Variants in CACNA2D1 observed in about 807,000 individuals in gnomAD.
CACNA2D1 encodes the protein calcium voltage-gated channel auxiliary subunit alpha2delta 1, also known as voltage-dependent calcium channel subunit alpha-2/delta-1.
CACNA2D1 carries 53 observed loss-of-function variants against 171.5 expected under a neutral mutation model. The observed-to-expected ratio is 0.31, with a 90% CI of 0.25 to 0.39. CACNA2D1 has a LOEUF of 0.39. CACNA2D1 is among the 10% of genes least tolerant of loss of function. The probability of loss-of-function intolerance (pLI) is 1.00; values close to 1 mark genes in which losing one functional copy is unlikely to be tolerated. For missense variants in CACNA2D1, 903 were observed against 1,299.8 expected, an observed-to-expected ratio of 0.69 and a Z score of 4.69; for synonymous variants, 442 against 443.1, an observed-to-expected ratio of 1.00 and a Z score of 0.03.
At chr7:82,389,091 G>A (rs868020232) in intron 1 of CACNA2D1, among the ~76,000 whole-genome samples, 1 of 150,146 alleles carries the variant, frequency 6.7e-6, no homozygotes, top group Non-Finnish European at 1.5e-5. Flanking sequence ...ACTCCAGCCT[G>A]GGCAACAGAG....
chr7:82,443,892 T>C, upstream of CACNA2D1: 1 of 308,082 alleles, frequency 3.2e-6, no homozygotes, highest in Non-Finnish European at 5.8e-6. Context: ...GCTGCAGGAA[T>C]CGGGGAATGG....
intron 12 of CACNA2D1, chr7:82,029,268 T>C (rs1378974168): frequency 6.6e-6 from 1 of 151,802 alleles, no homozygotes; most frequent in Non-Finnish European, 1.5e-5. Flanking sequence ...GAATAGAGTA[T>C]TCTTTAATTA....
At chr7:81,954,947 T>C (rs1410954376) in intron 38 of CACNA2D1, among the ~76,000 whole-genome samples, 2 of 146,024 alleles carry the variant, frequency 1.4e-5, no homozygotes, top group African/African-American at 4.9e-5. Flanking sequence ...GTGAGATAGG[T>C]AGGTAGTAGT....
In CACNA2D1 at chr7:82,137,707, T is replaced by TAA. The variant is rs1174278503; in HGVS notation, c.355-1033_355-1032dup. On this transcript the variant is annotated intron_variant, in intron 4 of 38. Coordinates refer to ENST00000356860, the MANE Select transcript of CACNA2D1 (RefSeq NM_000722.4). ...TAATACAGTGAAACTCCGTCTCTAC[T>TAA]AAAAAAAAAAAAAAAAAAAAAAATT... Among the ~76,000 whole-genome samples the TAA allele has an allele frequency of 8.4e-3, 659 of 78,788 alleles. 44 individuals carry two copies. Among genetic ancestry groups the TAA allele is most frequent in the East Asian group, 0.036 (90 of 2,474 alleles). 51.7% of individuals were successfully genotyped at this position (78,788 alleles called of 152,430 possible). A position where few individuals can be genotyped will look rare whatever the true frequency, so the allele number is the denominator to read the frequency against.
intron 10 of CACNA2D1, among the ~76,000 whole-genome samples, chr7:82,043,284 T>C (rs1041798529): frequency 2.0e-5 from 3 of 152,158 alleles, no homozygotes; most frequent in Non-Finnish European, 2.9e-5. Context: ...AATAAAGATA[T>C]ACAGAACATC....
intron 12 of CACNA2D1, among the ~76,000 whole-genome samples, chr7:82,026,251 T>C (rs766627643): frequency 1.3e-4 from 20 of 151,586 alleles, no homozygotes; most frequent in Non-Finnish European, 2.1e-4. Flanking sequence ...TCTGTGTCTT[T>C]TGACTGGGGA....
intron 10 of CACNA2D1, among the ~76,000 whole-genome samples, chr7:82,053,400 T>C (rs571027388): frequency 6.1e-5 from 9 of 148,582 alleles, no homozygotes; most frequent in African/African-American, 2.3e-4. Context: ...CTCAATGTAA[T>C]CACTTAAAAT....
chr7:81,951,970 T>TTTTTTTTTTTTTTTTTTTTTG (rs1792598285), intron 38 of CACNA2D1, among the ~76,000 whole-genome samples: 1 of 23,948 alleles, frequency 4.2e-5, no homozygotes, highest in Non-Finnish European at 7.7e-5. Flanking sequence ...GTACAAAGTG[T>TTTTTTTTTTTTTTTTTTTTTG]TTTTTTTTTT....
At chr7:82,319,112 A>C (rs1335949130) in intron 3 of CACNA2D1, among the ~76,000 whole-genome samples, 2 of 152,222 alleles carry the variant, frequency 1.3e-5, no homozygotes, top group Admixed American at 1.3e-4. Flanking sequence ...TGTTGAAAGG[A>C]TTAAATGAGT....
At chr7:82,060,157 A>G (rs1241752203) in intron 10 of CACNA2D1, among the ~76,000 whole-genome samples, 2 of 35,130 alleles carry the variant, frequency 5.7e-5, no homozygotes, top group Non-Finnish European at 5.4e-5. Flanking sequence ...TATGTATTAT[A>G]TATATATAAT....
At chr7:82,010,001 C>T (rs1406497725) in intron 15 of CACNA2D1, among the ~76,000 whole-genome samples, 1 of 151,970 alleles carries the variant, frequency 6.6e-6, no homozygotes, top group Non-Finnish European at 1.5e-5. Context: ...TTTTGATATA[C>T]TCAGTGCTTC....
chr7:82,083,776 T>A (rs534558436), intron 7 of CACNA2D1, among the ~76,000 whole-genome samples: 3 of 152,168 alleles, frequency 2.0e-5, no homozygotes, highest in Non-Finnish European at 4.4e-5. Context: ...ATTCAGTCCA[T>A]TGATACCCAG....
chr7:82,224,590 A>C (rs1585148051), intron 3 of CACNA2D1, among the ~76,000 whole-genome samples: 1 of 152,244 alleles, frequency 6.6e-6, no homozygotes. Flanking sequence ...TCGAAAAAAA[A>C]AGAAAAAAGA....
Position 82,111,428 on chromosome 7 carries a change from G to GTGTATATATATATATATA in CACNA2D1, c.526+5615_526+5616insTATATATATATATATACA, listed in dbSNP as rs1413914216. On this transcript the variant is annotated intron_variant, in intron 6 of 38. Coordinates refer to ENST00000356860, the MANE Select transcript of CACNA2D1 (RefSeq NM_000722.4). ...TATTCATATATGTGTATATATGTGT[G>GTGTATATATATATATATA]TATATATATATATATATTTTTTTTT... 1.4e-4 allele frequency among the ~76,000 whole-genome samples: 7 copies of GTGTATATATATATATATA among 50,402 alleles called. 1 individual carries two copies. Among genetic ancestry groups the GTGTATATATATATATATA allele is most frequent in the African/African-American group, 5.7e-4 (6 of 10,552 alleles). The allele number at this position is 50,402 out of a possible 152,430, so 33.1% of individuals were successfully genotyped here. A position where few individuals can be genotyped will look rare whatever the true frequency, so the allele number is the denominator to read the frequency against.
intron 3 of CACNA2D1, among the ~76,000 whole-genome samples, chr7:82,174,611 C>T (rs1350838102): frequency 1.3e-5 from 2 of 151,950 alleles, no homozygotes; most frequent in Admixed American, 6.6e-5. Context: ...TAAAACTCAT[C>T]AGAGTATATA....
In CACNA2D1 at chr7:82,215,018, A is replaced by G. The variant is rs188205466; in HGVS notation, c.295-44409T>C. On this transcript the variant is annotated intron_variant, in intron 3 of 38. Transcript: ENST00000356860. ...ATGTTGAAACCAACCCAATAGTCCCATAGAGAGTTTTTGGCTAAACAGAGA... is the reference window on the plus strand; with the variant it reads ...ATGTTGAAACCAACCCAATAGTCCCGTAGAGAGTTTTTGGCTAAACAGAGA... 8.9e-3 allele frequency among the ~76,000 whole-genome samples: 1,353 copies of G among 152,322 alleles called. 9 individuals are homozygous for G. Among genetic ancestry groups the G allele is most frequent in the Middle Eastern group, 0.054 (16 of 294 alleles).
chr7:82,399,057 C>T (rs562795810), intron 1 of CACNA2D1, among the ~76,000 whole-genome samples: 7 of 152,268 alleles, frequency 4.6e-5, no homozygotes, highest in Admixed American at 4.6e-4. Context: ...GATCAACACA[C>T]TCACCAAAAT....
chr7:82,223,625 T>C lies in CACNA2D1; in HGVS notation c.295-53016A>G, dbSNP rs77019441. Among the ~76,000 whole-genome samples, 161 of 152,302 alleles carry C rather than the reference T, an allele frequency of 1.1e-3. 3 individuals are homozygous for C. In the East Asian group the frequency reaches 0.029, roughly 27 times the overall value. On this transcript the variant is annotated intron_variant, in intron 3 of 38. Coordinates refer to ENST00000356860, the MANE Select transcript of CACNA2D1 (RefSeq NM_000722.4). ...TGTTGTATGGATTACAGTAAATTCATGTCAGGCATCTGGGTCATGTTCAGA... is the reference window on the plus strand; with the variant it reads ...TGTTGTATGGATTACAGTAAATTCACGTCAGGCATCTGGGTCATGTTCAGA...
intron 3 of CACNA2D1, among the ~76,000 whole-genome samples, chr7:82,290,424 T>C (rs1811372122): frequency 6.6e-6 from 1 of 152,152 alleles, no homozygotes; most frequent in East Asian, 1.9e-4. Context: ...GAGTCCAAGC[T>C]AATCTTTGAG....
Sources: gnomAD v4.1 joint callset for allele counts (sites outside exome capture counted in the v4.1 genomes callset) on GRCh38, gnomAD v4.1.1 for gene constraint, MANE v1.5 for transcripts, NCBI Gene and HGNC (gene_info 2026-07-23, HGNC 2026-07-21) for gene names.